Variants in LEP observed in about 807,000 individuals in gnomAD.
LEP encodes leptin (murine obesity homolog).
A neutral mutation model predicts 9.8 loss-of-function variants in LEP; 6 were observed. The observed-to-expected ratio is 0.61, with a 90% CI of 0.34 to 1.21. LEP has a LOEUF of 1.21. Ranked by LOEUF, LEP falls within the 50% of genes most tolerant of loss-of-function variation. LEP has a pLI of 0.04. For missense variants in LEP, 134 were observed against 198.1 expected (o/e 0.68, Z 1.94); for synonymous variants, 112 against 81.7 (o/e 1.37, Z -2.00).
chr7:128,251,815 T>C (rs1359069681), intron 1 of LEP, among the ~76,000 whole-genome samples, 176 bp from the exon 2 acceptor site: 3 of 152,216 alleles, frequency 2.0e-5, no homozygotes, highest in Non-Finnish European at 4.4e-5. Flanking sequence ...TCTAAGGGGA[T>C]GCATTTCATT....
intron 1 of LEP, among the ~76,000 whole-genome samples, chr7:128,241,846 G>A (rs1399148359): frequency 2.0e-5 from 3 of 152,166 alleles, no homozygotes; most frequent in Admixed American, 6.5e-5. Context: ...AGTAGAGGTG[G>A]GGGGAAACAA....
chr7:128,247,735 C>T (rs753424491), intron 1 of LEP, among the ~76,000 whole-genome samples: 16 of 152,194 alleles, frequency 1.1e-4, no homozygotes, highest in Non-Finnish European at 2.2e-4. Context: ...GGGTTGGCTA[C>T]GTGCCAGGCA....
At chr7:128,249,915 T>G (rs919748236) in intron 1 of LEP, among the ~76,000 whole-genome samples, 1 of 152,188 alleles carries the variant, frequency 6.6e-6, no homozygotes, top group African/African-American at 2.4e-5. Flanking sequence ...GGAACCACAA[T>G]TTATTTCCAG....
chr7:128,254,055 G>T (rs1406259409), intron 2 of LEP, among the ~76,000 whole-genome samples: 1 of 152,142 alleles, frequency 6.6e-6, no homozygotes, highest in Non-Finnish European at 1.5e-5. Context: ...GGGGGTGGGG[G>T]TGCTTATGGA....
intron 1 of LEP, among the ~76,000 whole-genome samples, chr7:128,247,544 C>G (rs1247968432): frequency 6.6e-6 from 1 of 152,172 alleles, no homozygotes; most frequent in African/African-American, 2.4e-5. Flanking sequence ...CTGGTGTCAG[C>G]TGGAAGCCAC....
intron 1 of LEP, among the ~76,000 whole-genome samples, chr7:128,251,615 T>C (rs1406146863): frequency 6.6e-6 from 1 of 152,194 alleles, no homozygotes; most frequent in Non-Finnish European, 1.5e-5. Context: ...TTATGTGATA[T>C]GTTTAAAATT....
chr7:128,254,454 G>C lies in LEP; in HGVS notation c.195G>C (p.Gly65=). 1 of 1,613,976 alleles carries C rather than the reference G, an allele frequency of 6.2e-7. No individual in the cohort carries two copies. Residue 65 remains glycine (G), a synonymous_variant, in exon 3 of 3, where the codon GGG becomes GGC. Coordinates refer to ENST00000308868, the MANE Select transcript of LEP (RefSeq NM_000230.3). ...TCACCGGTTTGGACTTCATTCCTGG[G>C]CTCCACCCCATCCTGACCTTATCCA... ...QKVTGLDFIP[G]LHPILTLSKM...
In LEP at chr7:128,254,986, G is replaced by T. The variant is rs1261682399; in HGVS notation, c.*223G>T. On this transcript the variant is annotated 3_prime_UTR_variant, in exon 3 of 3. Coordinates refer to ENST00000308868, the MANE Select transcript of LEP (RefSeq NM_000230.3). ...AGGATCCTATTCTCACCAGGAAGGGGGTCCACCCAGCAAAGAGTGGGCTGC... is the reference window on the plus strand; with the variant it reads ...AGGATCCTATTCTCACCAGGAAGGGTGTCCACCCAGCAAAGAGTGGGCTGC... The T allele has an allele frequency of 1.8e-5, 10 of 562,416 alleles. No individual in the cohort carries two copies. The highest frequency in any genetic ancestry group is 2.9e-5 in the Non-Finnish European group (9 of 313,104). The allele number at this position is 562,416 out of a possible 1,614,324, so 34.8% of individuals were successfully genotyped here.
intron 2 of LEP, among the ~76,000 whole-genome samples, chr7:128,253,487 A>G (rs759889125): frequency 1.3e-5 from 2 of 152,180 alleles, no homozygotes; most frequent in Non-Finnish European, 2.9e-5. Flanking sequence ...CCTTGTTTTC[A>G]TCATCTGGAT....
intron 1 of LEP, among the ~76,000 whole-genome samples, chr7:128,246,637 A>T (rs113218407): frequency 1.1e-3 from 98 of 90,708 alleles, no homozygotes; most frequent in Middle Eastern, 5.9e-3. Flanking sequence ...TTTTATTTTT[A>T]TTTTTTTTAG....
At chr7:128,251,707 C>T (rs185451543) in intron 1 of LEP, among the ~76,000 whole-genome samples, 138 of 152,330 alleles carry the variant, frequency 9.1e-4, no homozygotes, top group African/African-American at 2.7e-3. Flanking sequence ...AAGTCTACAT[C>T]ATCCCTACCA....
At position 128,256,750 on chromosome 7, in the gene LEP, C is replaced by T. The variant is rs576114940; in HGVS notation, c.*1987C>T. On this transcript the variant is annotated 3_prime_UTR_variant, in exon 3 of 3. Coordinates refer to ENST00000308868, the MANE Select transcript of LEP (RefSeq NM_000230.3). The stretch of plus-strand genomic sequence containing the variant: ...AAGAAAATACATAAGACCATAACAG[C>T]CAACAGGTGGCAGGACCAGGACTAT... 11 of 152,310 alleles carry T rather than the reference C, an allele frequency of 7.2e-5. No homozygotes were observed. Among genetic ancestry groups the T allele is most frequent in the African/African-American group, 2.4e-4 (10 of 41,558 alleles). 9.4% of individuals were successfully genotyped at this position (152,310 alleles called of 1,614,324 possible).
At chr7:128,252,356 C>G (rs181616136) in intron 2 of LEP, among the ~76,000 whole-genome samples, 194 bp downstream of exon 2, 13 of 152,320 alleles carry the variant, frequency 8.5e-5, no homozygotes, top group Non-Finnish European at 1.8e-4. Flanking sequence ...CCTCTGCCTG[C>G]TGAGATTCCA....
intron 1 of LEP, among the ~76,000 whole-genome samples, chr7:128,250,710 A>G (rs1584605638): frequency 6.6e-6 from 1 of 152,208 alleles, no homozygotes; most frequent in Non-Finnish European, 1.5e-5. Context: ...CCATCTATGG[A>G]CAGAAAATGT....
At position 128,254,569 on chromosome 7, in the gene LEP, C is replaced by T; in HGVS notation, c.310C>T (p.Leu104Phe). Residue 104 changes from leucine to phenylalanine, a missense_variant, in exon 3 of 3, where the codon CTC becomes TTC. Transcript: ENST00000308868. The part of the protein sequence containing the change: ...VIQISNDLEN[L>F]RDLLHVLAFS... ...CCAAATATCCAACGACCTGGAGAAC[C>T]TCCGGGATCTTCTTCACGTGCTGGC... 6.2e-7 allele frequency: 1 copy of T among 1,614,186 alleles called. No homozygotes were observed. Among genetic ancestry groups the T allele is most frequent in the Non-Finnish European group, 8.5e-7 (1 of 1,180,016 alleles).
intron 1 of LEP, among the ~76,000 whole-genome samples, chr7:128,244,301 G>A (rs987174107): frequency 6.6e-6 from 1 of 151,410 alleles, no homozygotes; most frequent in Admixed American, 6.6e-5. Flanking sequence ...TGAAACAGGA[G>A]TAGAAACCTA....
In LEP at chr7:128,257,249, G is replaced by T. The variant is rs1402394153; in HGVS notation, c.*2486G>T. On this transcript the variant is annotated 3_prime_UTR_variant, in exon 3 of 3. Transcript: ENST00000308868. Reference sequence around the variant, plus strand: ...GTGTGAAACTTCCTAAGTATAAATGGTTGTCTGTTTTTGTAACTTAAAAAA... The same window carrying T: ...GTGTGAAACTTCCTAAGTATAAATGTTTGTCTGTTTTTGTAACTTAAAAAA... The T allele has an allele frequency of 6.6e-6, 1 of 151,348 alleles. No individual in the cohort carries two copies. The highest frequency in any genetic ancestry group is 1.5e-5 in the Non-Finnish European group (1 of 67,924). The allele number at this position is 151,348 out of a possible 1,614,324, so 9.4% of individuals were successfully genotyped here.
Position 128,254,430 on chromosome 7 carries a change from C to G in LEP, c.171C>G (p.Val57=). 6.2e-7 allele frequency: 1 copy of G among 1,613,828 alleles called. No individual in the cohort carries two copies. The highest frequency in any genetic ancestry group is 8.5e-7 in the Non-Finnish European group (1 of 1,180,000). ...AGTCAGTCTCCTCCAAACAGAAAGT[C>G]ACCGGTTTGGACTTCATTCCTGGGC... ...HTQSVSSKQK[V]TGLDFIPGLH... is the part of the protein sequence containing the mutation. The change falls in exon 3 of 3, where the codon GTC becomes GTG. Residue 57 remains valine, a synonymous_variant. Transcript: ENST00000308868.
In LEP at chr7:128,243,941, C is replaced by T. The variant is rs554553746; in HGVS notation, c.-29+2635C>T. ...CTTCAGATGCCCCTCACACAGAGCT[C>T]GAGGGAGCCTCAACAATTGATCAGA... On this transcript the variant is annotated intron_variant, in intron 1 of 2. Transcript: ENST00000308868. 2.6e-4 allele frequency among the ~76,000 whole-genome samples: 39 copies of T among 152,200 alleles called. 1 individual carries two copies. In the South Asian group the frequency reaches 7.3e-3, roughly 28 times the overall value.
Sources: allele counts gnomAD v4.1 joint callset (sites outside exome capture counted in the v4.1 genomes callset), GRCh38; gene constraint gnomAD v4.1.1; transcripts MANE v1.5; gene names NCBI Gene and HGNC (gene_info 2026-07-23, HGNC 2026-07-21).